The following MAK variants were observed in gnomAD, a reference collection of about 807,000 sequenced individuals.
MAK encodes male germ cell associated kinase, also known as serine/threonine-protein kinase MAK.
MAK carries 65 observed loss-of-function variants against 82.6 expected under a neutral mutation model. The observed-to-expected ratio is 0.79, with a 90% CI of 0.64 to 0.97. MAK has a LOEUF of 0.97. Among genes scored for constraint, MAK ranks in the 50% least tolerant of loss-of-function variants. MAK has a pLI of 0.00. For synonymous variants in MAK, 250 were observed against 274.2 expected (o/e 0.91, Z 0.87); for missense variants, 703 against 780.2 (o/e 0.90, Z 1.18).
At chr6:10,802,124 A>T (rs1420335148) in intron 7 of MAK, 65 bp from the exon 8 acceptor site, 1 of 1,255,676 alleles carries the variant, frequency 8.0e-7, no homozygotes, top group Non-Finnish European at 1.2e-6. Context: ...TAATCCATTT[A>T]AAAAACACAG....
chr6:10,832,068 C>G (rs939872904), intron 1 of MAK, among the ~76,000 whole-genome samples: 3 of 152,194 alleles, frequency 2.0e-5, no homozygotes, highest in Non-Finnish European at 2.9e-5. Context: ...CTGTCACCAT[C>G]ACTCCCCCAG....
At chr6:10,822,927 T>C (rs973671365) in intron 2 of MAK, among the ~76,000 whole-genome samples, 7 of 152,130 alleles carry the variant, frequency 4.6e-5, no homozygotes, top group African/African-American at 9.7e-5. Flanking sequence ...AAAGACAAGA[T>C]TTCAGTGATC....
intron 13 of MAK, among the ~76,000 whole-genome samples, chr6:10,771,006 T>G (rs1772962749): frequency 6.6e-6 from 1 of 151,312 alleles, no homozygotes; most frequent in Non-Finnish European, 1.5e-5. Context: ...CTCAGGTGAC[T>G]GGGGGGTGCG....
intron 11 of MAK, among the ~76,000 whole-genome samples, chr6:10,782,294 C>T (rs1774072938): frequency 6.6e-6 from 1 of 151,532 alleles, no homozygotes; most frequent in African/African-American, 2.4e-5. Context: ...CGCCAAATAC[C>T]CAGGGTTATA....
intron 14 of MAK, among the ~76,000 whole-genome samples, chr6:10,769,654 C>T (rs749765334): frequency 6.6e-6 from 1 of 152,176 alleles, no homozygotes; most frequent in Non-Finnish European, 1.5e-5. Flanking sequence ...GTGCCAGGTC[C>T]TGGGCAGAGG....
intron 2 of MAK, among the ~76,000 whole-genome samples, chr6:10,825,815 T>TA (rs1195632989): frequency 6.6e-6 from 1 of 152,110 alleles, no homozygotes; most frequent in Non-Finnish European, 1.5e-5. Flanking sequence ...TGTATCCACT[T>TA]ACATCCATCC....
chr6:10,772,968 G>T, intron 13 of MAK, 66 bp downstream of exon 13: 1 of 1,101,060 alleles, frequency 9.1e-7, no homozygotes, highest in Non-Finnish European at 1.3e-6. Flanking sequence ...AGGGGCAAAT[G>T]TTGAGAAGAA....
rs1439643184 is a variant in MAK at position 10,830,545 on chromosome 6, T to C, written c.101+3A>G. ...GTGAAGTTGGCAGTGTCACACACAG[T>C]ACCTTTTGATGGCCACCAGCTCCCC... On this transcript the variant is annotated splice_donor_region_variant and intron_variant, in intron 2 of 14. Coordinates refer to ENST00000354489, the MANE Select transcript of MAK (RefSeq NM_001242957.3). 1.2e-6 allele frequency: 2 copies of C among 1,611,858 alleles called. No homozygotes were observed. The highest frequency in any genetic ancestry group is 1.7e-6 in the Non-Finnish European group (2 of 1,177,958).
intron 11 of MAK, among the ~76,000 whole-genome samples, chr6:10,780,643 C>T (rs944869021): frequency 1.3e-5 from 2 of 151,674 alleles, no homozygotes; most frequent in African/African-American, 4.8e-5. Context: ...TTAGTAGAGA[C>T]GGAATTTCAC....
chr6:10,834,107 A>G (rs1312460820), intron 1 of MAK, among the ~76,000 whole-genome samples: 1 of 152,204 alleles, frequency 6.6e-6, no homozygotes, highest in African/African-American at 2.4e-5. Flanking sequence ...TTAGGATTTT[A>G]TTAAATCAGT....
chr6:10,783,915 A>G (rs1243826505), intron 11 of MAK, among the ~76,000 whole-genome samples: 1 of 152,156 alleles, frequency 6.6e-6, no homozygotes. Flanking sequence ...GCTACTCGGG[A>G]GGCTGAGGCA....
At chr6:10,835,249 T>A (rs767626609) in intron 1 of MAK, among the ~76,000 whole-genome samples, 2 of 152,226 alleles carry the variant, frequency 1.3e-5, no homozygotes, top group African/African-American at 2.4e-5. Context: ...AAGGTTTGCA[T>A]CTTTCTACGA....
chr6:10,795,555 C>A (rs1203516837), intron 9 of MAK, among the ~76,000 whole-genome samples: 1 of 152,116 alleles, frequency 6.6e-6, no homozygotes, highest in Non-Finnish European at 1.5e-5. Context: ...CCAGCCTGGA[C>A]AACATGGTGA....
At position 10,830,621 on chromosome 6, in the gene MAK, A is replaced by G. The variant is rs202067704; in HGVS notation, c.28T>C (p.Leu10=). The stretch of plus-strand genomic sequence containing the variant: ...ACACTCCCATACGTGCCGTCCCCCA[A>G]CTGTCTCATGGTTGTGTATCGGTTC... MNRYTTMRQ[L]GDGTYGSVLM... Residue 10 remains leucine, a synonymous_variant, in exon 2 of 15, where the codon TTG becomes CTG. Transcript: ENST00000354489. 204 of 1,613,932 alleles carry G rather than the reference A, an allele frequency of 1.3e-4. 1 individual carries two copies. The Admixed American group carries it at 2.0e-3, about 16-fold the overall frequency.
chr6:10,813,969 ATTTT>A (rs56102933), intron 4 of MAK, among the ~76,000 whole-genome samples: 4 of 150,390 alleles, frequency 2.7e-5, no homozygotes, highest in Non-Finnish European at 5.9e-5. Context: ...TAAATAGCTA[ATTTT>A]TTTTTTTCTT....
chr6:10,764,493 C>T lies in MAK; in HGVS notation c.1906G>A (p.Gly636Arg), dbSNP rs748349220. Residue 636 changes from glycine to arginine, a missense_variant, in exon 15 of 15, where the codon GGG (glycine) becomes AGG (arginine). Physicochemically the swap from Gly to Arg is moderately radical, Grantham distance 125. Transcript: ENST00000354489. ...TACTTGGCCACCCAGTCTGTCCTCC[C>T]ATGCACTGAGGGAATGGGCTGTGCA... ...NRAQPIPSVH[G>R]RTDWVAKYGG... is the part of the protein sequence containing the mutation. 2.9e-5 allele frequency: 47 copies of T among 1,613,878 alleles called. No individual in the cohort carries two copies. Among genetic ancestry groups the T allele is most frequent in the African/African-American group, 5.3e-5 (4 of 74,900 alleles).
intron 11 of MAK, among the ~76,000 whole-genome samples, chr6:10,781,419 A>T (rs1450603144): frequency 6.7e-6 from 1 of 149,306 alleles, no homozygotes; most frequent in African/African-American, 2.5e-5. Context: ...GGTCAAAAGT[A>T]GATTTTTTTT....
intron 2 of MAK, 142 bp downstream of exon 2, chr6:10,830,406 C>T (rs1211295135): frequency 2.4e-5 from 16 of 678,922 alleles, no homozygotes; most frequent in Middle Eastern, 2.6e-4. Context: ...CCTCATGATC[C>T]GCCCGCCTCG....
chr6:10,771,940 A>T (rs1254413014), intron 13 of MAK, among the ~76,000 whole-genome samples: 1 of 152,242 alleles, frequency 6.6e-6, no homozygotes, highest in Non-Finnish European at 1.5e-5. Context: ...TCTTGCTCTC[A>T]TCCTCATCAG....
Sources: gnomAD v4.1 joint callset for allele counts (sites outside exome capture counted in the v4.1 genomes callset) on GRCh38, gnomAD v4.1.1 for gene constraint, MANE v1.5 for transcripts, NCBI Gene and HGNC (gene_info 2026-07-23, HGNC 2026-07-21) for gene names.